OPCML: variants seen among roughly 807,000 people sequenced by gnomAD.
OPCML encodes opioid-binding protein/cell adhesion molecule.
A neutral mutation model predicts 37.8 loss-of-function variants in OPCML; 13 were observed. The ratio of observed to expected loss-of-function variants is 0.34; its 90% CI spans 0.22 to 0.55. The LOEUF is 0.55. Ranked by LOEUF, OPCML falls within the 20% of genes least tolerant of loss-of-function variation. The pLI, the probability that OPCML is intolerant of heterozygous loss-of-function variation, is 0.91. For synonymous variants in OPCML, 176 were observed against 168.8 expected (o/e 1.04, Z -0.33); for missense variants, 341 against 435.6 (o/e 0.78, Z 1.93).
At chr11:132,435,182 A>T in intron 7 of OPCML, 1 of 1,289,830 alleles carries the variant, frequency 7.8e-7, no homozygotes, top group Middle Eastern at 2.1e-4. Context: ...TGAGGGGCTT[A>T]TTTCTAAGAC....
intron 4 of OPCML, among the ~76,000 whole-genome samples, chr11:132,479,643 G>C (rs986247151): frequency 6.6e-6 from 1 of 151,908 alleles, no homozygotes; most frequent in Admixed American, 6.6e-5. Context: ...GCTTTGAAGA[G>C]AGCAGTGGTT....
At chr11:133,247,966 T>G (rs576849110) in intron 1 of OPCML, among the ~76,000 whole-genome samples, 1 of 152,324 alleles carries the variant, frequency 6.6e-6, no homozygotes, top group Admixed American at 6.5e-5. Flanking sequence ...TAGAGAGATG[T>G]AAATTCAGAT....
chr11:132,459,741 TA>T (rs34228447), intron 4 of OPCML, among the ~76,000 whole-genome samples: 87,963 of 150,970 alleles, frequency 0.58, 26,276 homozygotes, highest in East Asian at 0.91. Context: ...ATACGAAAGT[TA>T]AAAAAAAAAT....
At chr11:132,997,658 C>A (rs189232294) in intron 1 of OPCML, among the ~76,000 whole-genome samples, 122 of 152,270 alleles carry the variant, frequency 8.0e-4, no homozygotes, top group African/African-American at 2.8e-3. Flanking sequence ...TCACCATCCA[C>A]CATGGACTCT....
At position 132,752,569 on chromosome 11, in the gene OPCML, C is replaced by A. The variant is rs377510662; in HGVS notation, c.147-95250G>T. 1.4e-4 allele frequency among the ~76,000 whole-genome samples: 21 copies of A among 152,008 alleles called. No individual in the cohort carries two copies. In the East Asian group the frequency reaches 3.5e-3, roughly 25 times the overall value. Reference sequence around the variant, plus strand: ...CTAAAATCCAGAGAAAATAAAGAATCTGTAGAAGTTGATCCTCTAGAGCCT... The same window carrying A: ...CTAAAATCCAGAGAAAATAAAGAATATGTAGAAGTTGATCCTCTAGAGCCT... On this transcript the variant is annotated intron_variant, in intron 2 of 7. Transcript: ENST00000524381.
chr11:133,158,229 T>C (rs1950090860), intron 1 of OPCML, among the ~76,000 whole-genome samples: 1 of 152,188 alleles, frequency 6.6e-6, no homozygotes, highest in South Asian at 2.1e-4. Context: ...CCGTACCGAT[T>C]CCTGAAATGA....
Position 132,550,005 on chromosome 11 carries a change from C to T in OPCML, c.380-20819G>A, listed in dbSNP as rs116619427. ...CAAACCCCAGGGTATATACCCCAGA[C>T]AACATAGCTGCTTCACTTTCACTTT... On this transcript the variant is annotated intron_variant, in intron 3 of 7. Coordinates refer to ENST00000524381, the MANE Select transcript of OPCML (RefSeq NM_001012393.5). Among the ~76,000 whole-genome samples, 572 of 152,270 alleles carry T rather than the reference C, an allele frequency of 3.8e-3. 2 individuals are homozygous for T. Among genetic ancestry groups the T allele is most frequent in the African/African-American group, 0.013 (526 of 41,548 alleles).
At chr11:132,444,740 C>G (rs774696563) in intron 4 of OPCML, among the ~76,000 whole-genome samples, 13 of 152,108 alleles carry the variant, frequency 8.5e-5, no homozygotes, top group Non-Finnish European at 1.9e-4. Flanking sequence ...TCCCCCGCCC[C>G]AACCTCCAAT....
At chr11:132,493,882 C>T (rs565119661) in intron 4 of OPCML, among the ~76,000 whole-genome samples, 13 of 152,240 alleles carry the variant, frequency 8.5e-5, no homozygotes, top group Non-Finnish European at 1.5e-4. Flanking sequence ...CCCTACCCTG[C>T]TCCCATGTGC....
chr11:132,901,857 T>C (rs1944074971), intron 2 of OPCML, among the ~76,000 whole-genome samples: 1 of 151,868 alleles, frequency 6.6e-6, no homozygotes, highest in Non-Finnish European at 1.5e-5. Context: ...ATGTCTTCCT[T>C]AAAAATATAT....
intron 1 of OPCML, chr11:133,422,419 T>G: frequency 1.1e-6 from 1 of 941,136 alleles, no homozygotes; most frequent in Non-Finnish European, 1.2e-6. Context: ...GTTCAAACCC[T>G]TGCCCCACCT....
intron 1 of OPCML, among the ~76,000 whole-genome samples, chr11:133,100,107 G>A (rs1949064337): frequency 2.6e-5 from 4 of 152,100 alleles, no homozygotes; most frequent in Non-Finnish European, 5.9e-5. Flanking sequence ...CTTATAAGTG[G>A]GAACTAAACA....
At chr11:132,679,514 A>T (rs1453537022) in intron 2 of OPCML, among the ~76,000 whole-genome samples, 1 of 152,240 alleles carries the variant, frequency 6.6e-6, no homozygotes, top group Non-Finnish European at 1.5e-5. Flanking sequence ...GTATGATTCC[A>T]TTGATATGAA....
At chr11:133,019,865 A>T (rs1309185349) in intron 1 of OPCML, among the ~76,000 whole-genome samples, 2 of 152,116 alleles carry the variant, frequency 1.3e-5, no homozygotes, top group Non-Finnish European at 2.9e-5. Flanking sequence ...CCCTCCTATG[A>T]AGCCCAGGCC....
At chr11:133,474,777 G>T (rs143044263) in intron 1 of OPCML, among the ~76,000 whole-genome samples, 2 of 152,326 alleles carry the variant, frequency 1.3e-5, no homozygotes, top group African/African-American at 2.4e-5. Flanking sequence ...AAGACAGATG[G>T]CAGGAAGTCG....
intron 7 of OPCML, among the ~76,000 whole-genome samples, chr11:132,430,242 T>C (rs1451349678): frequency 2.0e-5 from 3 of 151,668 alleles, no homozygotes; most frequent in Non-Finnish European, 4.4e-5. Context: ...GGGATAGGTG[T>C]AGTTGTGAAG....
At chr11:132,512,330 C>T (rs1241157379) in intron 4 of OPCML, among the ~76,000 whole-genome samples, 28 of 151,940 alleles carry the variant, frequency 1.8e-4, no homozygotes, top group Non-Finnish European at 2.9e-5. Context: ...ACTTACTATA[C>T]GACTTACCAA....
intron 1 of OPCML, among the ~76,000 whole-genome samples, chr11:133,472,415 C>T (rs1419615573): frequency 1.3e-5 from 2 of 152,032 alleles, no homozygotes; most frequent in Non-Finnish European, 1.5e-5. Flanking sequence ...TAGGGAGCAG[C>T]GTTTCAGAGC....
rs931851603 is a variant in OPCML, at chr11:132,415,404, A to C, written c.*4789T>G. The C allele has an allele frequency of 1.3e-5, 2 of 152,226 alleles. No homozygotes were observed. The highest frequency in any genetic ancestry group is 1.5e-5 in the Non-Finnish European group (1 of 68,030). 9.4% of individuals were successfully genotyped at this position (152,226 alleles called of 1,614,324 possible). A position where few individuals can be genotyped will look rare whatever the true frequency, so the allele number is the denominator to read the frequency against. On this transcript the variant is annotated 3_prime_UTR_variant, in exon 8 of 8. Coordinates refer to ENST00000524381, the MANE Select transcript of OPCML (RefSeq NM_001012393.5). ...TCACCCACACAGTCCTCACAACTGC[A>C]CTTGACATGTCACGAAAATTTCCGA...
Sources: gnomAD v4.1 joint callset for allele counts (sites outside exome capture counted in the v4.1 genomes callset) on GRCh38, gnomAD v4.1.1 for gene constraint, MANE v1.5 for transcripts, NCBI Gene and HGNC (gene_info 2026-07-23, HGNC 2026-07-21) for gene names.